The following ANKRD36 variants were observed in gnomAD, a reference collection of about 807,000 sequenced individuals.
ANKRD36 encodes ankyrin repeat domain 36.
In ANKRD36, 179 loss-of-function variants were observed where a neutral mutation model predicts 278.1. The observed-to-expected ratio is 0.64, with a 90% CI of 0.57 to 0.73. The LOEUF (loss-of-function observed/expected upper bound fraction) is 0.73. Among genes scored for constraint, ANKRD36 ranks in the 30% least tolerant of loss-of-function variants. The pLI is 0.00. For synonymous variants in ANKRD36, 320 were observed against 641.1 expected (o/e 0.50, Z 7.57); for missense variants, 1,159 against 1,956.7 (o/e 0.59, Z 7.69).
rs1261579424 is a variant in ANKRD36 at position 97,211,589 on chromosome 2, A to G, written c.3396+15A>G. ...CAGCATTGAAGGTAATTAAGCTCTCATTTATATTTTGAACTATTAACTGTA... is the reference window on the plus strand; with the variant it reads ...CAGCATTGAAGGTAATTAAGCTCTCGTTTATATTTTGAACTATTAACTGTA... On this transcript the variant is annotated intron_variant, in intron 57 of 75. Transcript: ENST00000420699. 8 of 1,607,024 alleles carry G rather than the reference A, an allele frequency of 5.0e-6. No homozygotes were observed. Among genetic ancestry groups the G allele is most frequent in the Non-Finnish European group, 6.8e-6 (8 of 1,176,004 alleles).
intron 58 of ANKRD36, chr2:97,212,936 G>A (rs929351556): frequency 2.0e-4 from 58 of 293,516 alleles, no homozygotes; most frequent in Admixed American, 1.9e-3. Context: ...TGAAGTGTAC[G>A]TTCAACTGAA....
intron 6 of ANKRD36, among the ~76,000 whole-genome samples, chr2:97,131,921 T>C (rs1400050375): frequency 1.3e-5 from 2 of 151,458 alleles, no homozygotes; most frequent in Non-Finnish European, 2.9e-5. Flanking sequence ...CTCTGCCTCC[T>C]GGGTTCAAGC....
chr2:97,248,887 T>TG, intron 72 of ANKRD36: 1 of 460,256 alleles, frequency 2.2e-6, no homozygotes. Context: ...AGATCCTTGT[T>TG]GCAATAACTC....
At position 97,205,868 on chromosome 2, in the gene ANKRD36, A is replaced by T. The variant is rs1258722157; in HGVS notation, c.3062-72A>T. On this transcript the variant is annotated intron_variant, in intron 50 of 75. Coordinates refer to ENST00000420699, the MANE Select transcript of ANKRD36 (RefSeq NM_001354587.1). ...GGCAGGAGGACAGAGGTTGATGCTA[A>T]CTCTGCTTGAATGTATGGATATCTT... 1.6e-5 allele frequency: 23 copies of T among 1,482,658 alleles called. No individual in the cohort carries two copies. The East Asian group carries it at 3.5e-4, about 22-fold the overall frequency. 91.8% of individuals were successfully genotyped at this position (1,482,658 alleles called of 1,614,324 possible). A position where few individuals can be genotyped will look rare whatever the true frequency, so the allele number is the denominator to read the frequency against.
At chr2:97,203,484 A>G (rs187519204) in intron 48 of ANKRD36, among the ~76,000 whole-genome samples, 1 of 151,850 alleles carries the variant, frequency 6.6e-6, no homozygotes, top group Admixed American at 6.6e-5. Flanking sequence ...ATTACACCAT[A>G]TGGGGGTGAG....
intron 46 of ANKRD36, among the ~76,000 whole-genome samples, chr2:97,200,786 C>A (rs567278021): frequency 2.5e-4 from 38 of 151,958 alleles, no homozygotes; most frequent in African/African-American, 8.7e-4. Flanking sequence ...GCTCTGGGGC[C>A]CAGCATAATT....
intron 48 of ANKRD36, among the ~76,000 whole-genome samples, chr2:97,202,877 G>A (rs1366637830): frequency 2.0e-5 from 3 of 151,768 alleles, no homozygotes; most frequent in South Asian, 2.1e-4. Context: ...GGTGAAAAGA[G>A]GAAGTCATTT....
intron 66 of ANKRD36, among the ~76,000 whole-genome samples, chr2:97,222,789 T>C (rs2068126679): frequency 6.6e-6 from 1 of 152,110 alleles, no homozygotes; most frequent in African/African-American, 2.4e-5. Context: ...GAGAGCTATA[T>C]AGAAGTGTTG....
intron 46 of ANKRD36, among the ~76,000 whole-genome samples, chr2:97,201,131 C>T (rs2061263049): frequency 6.6e-6 from 1 of 151,872 alleles, no homozygotes; most frequent in African/African-American, 2.4e-5. Flanking sequence ...CTGCTGGAAG[C>T]AGGAAACAGT....
chr2:97,129,394 G>T (rs913638006), intron 6 of ANKRD36, among the ~76,000 whole-genome samples: 1 of 151,944 alleles, frequency 6.6e-6, no homozygotes, highest in Non-Finnish European at 1.5e-5. Context: ...TGAGTAGGTT[G>T]CAAAAATTTT....
rs1194331815 is a variant in ANKRD36 at position 97,208,089 on chromosome 2, C to T, written c.3265+83C>T. The T allele has an allele frequency of 6.8e-6, 9 of 1,318,796 alleles. No homozygotes were observed. In the East Asian group the frequency reaches 7.5e-5, roughly 11 times the overall value. 81.7% of individuals were successfully genotyped at this position (1,318,796 alleles called of 1,614,324 possible). A position where few individuals can be genotyped will look rare whatever the true frequency, so the allele number is the denominator to read the frequency against. On this transcript the variant is annotated intron_variant, in intron 54 of 75. Coordinates refer to ENST00000420699, the MANE Select transcript of ANKRD36 (RefSeq NM_001354587.1). Reference sequence around the variant, plus strand: ...TCCCTGAATAAATCAGCGGGGGGCTCGTTGAAGCTGCACATTCTGATTCAG... The same window carrying T: ...TCCCTGAATAAATCAGCGGGGGGCTTGTTGAAGCTGCACATTCTGATTCAG...
intron 67 of ANKRD36, among the ~76,000 whole-genome samples, chr2:97,228,122 C>T (rs1027088314): frequency 3.3e-5 from 5 of 152,046 alleles, no homozygotes; most frequent in African/African-American, 9.7e-5. Context: ...CTCTGCCCGG[C>T]TTTGGTATCA....
At chr2:97,214,282 A>G (rs1220558051) in intron 60 of ANKRD36, among the ~76,000 whole-genome samples, 1 of 4,920 alleles carries the variant, frequency 2.0e-4, no homozygotes, top group Admixed American at 1.4e-3. Flanking sequence ...CTTCTTTGTT[A>G]CTGTTAGATA....
At chr2:97,229,022 T>C (rs1364670487) in intron 67 of ANKRD36, among the ~76,000 whole-genome samples, 1 of 152,124 alleles carries the variant, frequency 6.6e-6, no homozygotes, top group African/African-American at 2.4e-5. Flanking sequence ...TACTTTCTCT[T>C]CTTTTACATT....
At chr2:97,150,900 C>T (rs2045787174) in intron 12 of ANKRD36, among the ~76,000 whole-genome samples, 1 of 147,900 alleles carries the variant, frequency 6.8e-6, no homozygotes, top group African/African-American at 2.5e-5. Flanking sequence ...CCCCCTCTCT[C>T]TCTCTGTAGT....
chr2:97,220,614 G>A (rs1230007060), intron 66 of ANKRD36, among the ~76,000 whole-genome samples: 5 of 151,422 alleles, frequency 3.3e-5, no homozygotes, highest in Middle Eastern at 3.2e-3. Context: ...CACATTTTTA[G>A]AACCCATTTT....
chr2:97,212,134 A>G (rs2153630726), intron 58 of ANKRD36, among the ~76,000 whole-genome samples: 1 of 152,012 alleles, frequency 6.6e-6, no homozygotes, highest in East Asian at 2.0e-4. Context: ...TCCTAATACC[A>G]CAAAAACACT....
At chr2:97,118,973 A>G (rs1157240793) in intron 3 of ANKRD36, 1 of 78,606 alleles carries the variant, frequency 1.3e-5, no homozygotes, top group African/African-American at 3.1e-5. Context: ...AGGTGATTTC[A>G]TTTGAAAGTG....
chr2:97,185,978 G>A (rs2057346109), intron 30 of ANKRD36, among the ~76,000 whole-genome samples: 1 of 151,764 alleles, frequency 6.6e-6, no homozygotes, highest in African/African-American at 2.4e-5. Context: ...AGGGTTGTGA[G>A]GCAGGAAGGA....
Sources: allele counts gnomAD v4.1 joint callset (sites outside exome capture counted in the v4.1 genomes callset), GRCh38; gene constraint gnomAD v4.1.1; transcripts MANE v1.5; gene names NCBI Gene and HGNC (gene_info 2026-07-23, HGNC 2026-07-21).